PHC3: variants seen among roughly 807,000 people sequenced by gnomAD.
PHC3 encodes the protein polyhomeotic-like protein 3.
In PHC3, 13 loss-of-function variants were observed where a neutral mutation model predicts 107.4. The observed-to-expected ratio is 0.12, with a 90% CI of 0.08 to 0.19. The LOEUF is 0.19. Ranked by LOEUF, PHC3 falls within the 10% of genes least tolerant of loss-of-function variation. The pLI, the probability that PHC3 is intolerant of heterozygous loss-of-function variation, is 1.00. For synonymous variants in PHC3, 456 were observed against 427.4 expected (o/e 1.07, Z -0.83); for missense variants, 992 against 1,210.9 (o/e 0.82, Z 2.68).
At chr3:170,106,760 T>C in intron 12 of PHC3, 72 bp downstream of exon 12, 1 of 891,704 alleles carries the variant, frequency 1.1e-6, no homozygotes, top group Non-Finnish European at 1.7e-6. Flanking sequence ...TGGTAAGCTA[T>C]TCAAGGGTTT....
At chr3:170,160,046 T>A (rs558758918) in intron 4 of PHC3, among the ~76,000 whole-genome samples, 1 of 152,350 alleles carries the variant, frequency 6.6e-6, no homozygotes, top group African/African-American at 2.4e-5. Context: ...TTTGACTATT[T>A]ACTTGTCTGT....
intron 4 of PHC3, among the ~76,000 whole-genome samples, chr3:170,159,784 C>T (rs879802608): frequency 1.4e-4 from 22 of 152,194 alleles, no homozygotes; most frequent in Non-Finnish European, 2.9e-4. Context: ...AAAGAAAAAA[C>T]AGGCAGTTAC....
chr3:170,103,030 G>T, intron 12 of PHC3, 96 bp from the exon 13 acceptor site: 1 of 1,163,418 alleles, frequency 8.6e-7, no homozygotes, highest in Non-Finnish European at 1.2e-6. Flanking sequence ...GAATCAGTAA[G>T]TACCACAATA....
At chr3:170,102,393 T>C in intron 14 of PHC3, 86 bp downstream of exon 14, 1 of 1,533,552 alleles carries the variant, frequency 6.5e-7, no homozygotes, top group Non-Finnish European at 8.8e-7. Flanking sequence ...CTCTAGCCCT[T>C]TTGTGCAAAA....
chr3:170,088,364 A>T lies in PHC3; in HGVS notation c.*8866T>A, dbSNP rs1713708489. 2 of 152,208 alleles carry T rather than the reference A, an allele frequency of 1.3e-5. No homozygotes were observed. The highest frequency in any genetic ancestry group is 2.9e-5 in the Non-Finnish European group (2 of 68,024). The allele number at this position is 152,208 out of a possible 1,614,324, so 9.4% of individuals were successfully genotyped here. On this transcript the variant is annotated 3_prime_UTR_variant, in exon 15 of 15. Coordinates refer to ENST00000495893, the MANE Select transcript of PHC3 (RefSeq NM_024947.4). ...AATTGGTCTTTGCTAAAATTAACAA[A>T]ATTTTAATAAGCAAGACGACAAAAA...
chr3:170,140,751 C>G (rs754647996), intron 6 of PHC3, among the ~76,000 whole-genome samples: 1 of 151,382 alleles, frequency 6.6e-6, no homozygotes, highest in Non-Finnish European at 1.5e-5. Context: ...ATACCCACCA[C>G]CACACCTAGC....
intron 2 of PHC3, among the ~76,000 whole-genome samples, chr3:170,178,095 G>A (rs1252833463): frequency 1.3e-5 from 2 of 151,928 alleles, no homozygotes; most frequent in East Asian, 3.9e-4. Flanking sequence ...CCTGAAGGGT[G>A]ATTAGGCCAT....
intron 3 of PHC3, among the ~76,000 whole-genome samples, 186 bp from the exon 4 acceptor site, chr3:170,171,636 T>C (rs1232590145): frequency 1.3e-5 from 2 of 152,208 alleles, no homozygotes; most frequent in Non-Finnish European, 2.9e-5. Context: ...AGCTGAATGG[T>C]GAAAACAGGG....
chr3:170,159,762 C>A (rs1025463731), intron 4 of PHC3, among the ~76,000 whole-genome samples: 1 of 152,060 alleles, frequency 6.6e-6, no homozygotes, highest in Non-Finnish European at 1.5e-5. Context: ...AGGCATATCT[C>A]AAAGATTCTG....
chr3:170,129,143 C>A lies in PHC3; in HGVS notation c.1329G>T (p.Gln443His). 1 of 1,613,752 alleles carries A rather than the reference C, an allele frequency of 6.2e-7. No individual in the cohort carries two copies. Among genetic ancestry groups the A allele is most frequent in the East Asian group, 2.2e-5 (1 of 44,838 alleles). The change falls in exon 8 of 15, where the codon CAG becomes CAT. Residue 443 changes from glutamine to histidine, a missense_variant. Coordinates refer to ENST00000495893, the MANE Select transcript of PHC3 (RefSeq NM_024947.4). ...QPHPLVSSAL[Q>H]PGPNLQQSTA... ...TGGACTGCTGCAAATTTGGCCCTGG[C>A]TGGAGAGCTGATGACACAAGAGGGT...
At chr3:170,152,632 C>T (rs995522160) in intron 4 of PHC3, among the ~76,000 whole-genome samples, 1 of 151,680 alleles carries the variant, frequency 6.6e-6, no homozygotes, top group Non-Finnish European at 1.5e-5. Flanking sequence ...CACCCACTCC[C>T]AAAATGTTCA....
rs1292536057 is a variant in PHC3, at chr3:170,171,365, G to A, written c.414+8C>T. On this transcript the variant is annotated splice_region_variant and intron_variant, in intron 4 of 14. Transcript: ENST00000495893. Reference sequence around the variant, plus strand: ...TAAATCCAGGAAAAAAAAATTTAGGGAACTTACAGACGTTTGGGACATACT... The same window carrying A: ...TAAATCCAGGAAAAAAAAATTTAGGAAACTTACAGACGTTTGGGACATACT... 2 of 1,577,836 alleles carry A rather than the reference G, an allele frequency of 1.3e-6. No individual in the cohort carries two copies. Among genetic ancestry groups the A allele is most frequent in the Middle Eastern group, 1.7e-4 (1 of 5,992 alleles).
rs1234550544 is a variant in PHC3 at position 170,090,593 on chromosome 3, C to T, written c.*6637G>A. The T allele has an allele frequency of 6.6e-6, 1 of 151,956 alleles. No individual in the cohort carries two copies. Among genetic ancestry groups the T allele is most frequent in the Admixed American group, 6.6e-5 (1 of 15,254 alleles). The allele number at this position is 151,956 out of a possible 1,614,324, so 9.4% of individuals were successfully genotyped here. A position where few individuals can be genotyped will look rare whatever the true frequency, so the allele number is the denominator to read the frequency against. ...CTGTAGGTGACCCAAGAAATGGATGCTTATTAAGTATAAAATGAACCCTTA... is the reference window on the plus strand; with the variant it reads ...CTGTAGGTGACCCAAGAAATGGATGTTTATTAAGTATAAAATGAACCCTTA... On this transcript the variant is annotated 3_prime_UTR_variant, in exon 15 of 15. Transcript: ENST00000495893.
chr3:170,093,011 C>G lies in PHC3; in HGVS notation c.*4219G>C, dbSNP rs545426288. On this transcript the variant is annotated 3_prime_UTR_variant, in exon 15 of 15. Coordinates refer to ENST00000495893, the MANE Select transcript of PHC3 (RefSeq NM_024947.4). ...CTTCTATCCTCTTGGGTCTAGAATG[C>G]TTTGTTCCTCCTACTTGTCTCCTCC... 2 of 152,344 alleles carry G rather than the reference C, an allele frequency of 1.3e-5. No homozygotes were observed. Among genetic ancestry groups the G allele is most frequent in the Non-Finnish European group, 2.9e-5 (2 of 68,060 alleles). 9.4% of individuals were successfully genotyped at this position (152,344 alleles called of 1,614,324 possible).
chr3:170,163,459 A>AGT (rs1728221758), intron 4 of PHC3, among the ~76,000 whole-genome samples: 1 of 84,446 alleles, frequency 1.2e-5, no homozygotes, highest in Non-Finnish European at 2.4e-5. Context: ...TATTTAGTAA[A>AGT]GAGTGTGTGT....
chr3:170,158,857 G>A (rs568852623), intron 4 of PHC3, among the ~76,000 whole-genome samples: 1 of 151,498 alleles, frequency 6.6e-6, no homozygotes, highest in South Asian at 2.1e-4. Context: ...AGCCTGGGAG[G>A]TGGCAGTTGC....
At chr3:170,123,263 C>T (rs144512505) in intron 8 of PHC3, among the ~76,000 whole-genome samples, 2 of 151,700 alleles carry the variant, frequency 1.3e-5, no homozygotes, top group South Asian at 2.1e-4. Context: ...AAAAAAGATA[C>T]GCAATTATAT....
At chr3:170,156,768 T>C (rs1726970793) in intron 4 of PHC3, among the ~76,000 whole-genome samples, 1 of 151,992 alleles carries the variant, frequency 6.6e-6, no homozygotes, top group Admixed American at 6.6e-5. Flanking sequence ...GGCTAATTTT[T>C]GCATTTTTAA....
intron 2 of PHC3, among the ~76,000 whole-genome samples, chr3:170,176,213 G>A (rs547479188): frequency 7.4e-6 from 1 of 135,644 alleles, no homozygotes; most frequent in Non-Finnish European, 1.5e-5. Context: ...GCGATAGAGC[G>A]AGACTCGGTC....
Sources: gnomAD v4.1 joint callset for allele counts (sites outside exome capture counted in the v4.1 genomes callset) on GRCh38, gnomAD v4.1.1 for gene constraint, MANE v1.5 for transcripts, NCBI Gene and HGNC (gene_info 2026-07-23, HGNC 2026-07-21) for gene names.